Variants in GRIK4 observed in about 807,000 individuals in gnomAD.
GRIK4 encodes the protein glutamate receptor ionotropic, kainate 4.
A neutral mutation model predicts 104.9 loss-of-function variants in GRIK4; 40 were observed. That is an observed-to-expected ratio of 0.38 (90% CI 0.30 to 0.50). The LOEUF (loss-of-function observed/expected upper bound fraction) is 0.50, where lower values mean the gene tolerates loss of function less well. Among genes scored for constraint, GRIK4 ranks in the 20% least tolerant of loss-of-function variants. GRIK4 has a pLI of 0.93. For synonymous variants in GRIK4, 485 were observed against 524.9 expected, an observed-to-expected ratio of 0.92 and a Z score of 1.04; for missense variants, 1,047 against 1,308.1, an observed-to-expected ratio of 0.80 and a Z score of 3.08.
chr11:120,577,442 C>A (rs1388306288), intron 1 of GRIK4, among the ~76,000 whole-genome samples: 1 of 151,854 alleles, frequency 6.6e-6, no homozygotes, highest in African/African-American at 2.4e-5. Flanking sequence ...TGGATGGGAG[C>A]CCATTCCAGA....
chr11:120,949,230 G>A (rs1893818), intron 14 of GRIK4, among the ~76,000 whole-genome samples: 110,501 of 152,036 alleles, frequency 0.73, 41,120 homozygotes, highest in East Asian at 1. Flanking sequence ...CCCCACTACT[G>A]TCATGCAAAG....
chr11:120,963,613 T>C (rs149007381), intron 18 of GRIK4, among the ~76,000 whole-genome samples: 3 of 152,052 alleles, frequency 2.0e-5, no homozygotes, highest in East Asian at 1.9e-4. Flanking sequence ...TGGGAGAAAA[T>C]TGGTATACGG....
intron 3 of GRIK4, among the ~76,000 whole-genome samples, chr11:120,711,151 C>T (rs1317759009): frequency 1.3e-5 from 2 of 152,180 alleles, no homozygotes; most frequent in South Asian, 2.1e-4. Context: ...GTCAGGAAAG[C>T]GTGCCTTCCT....
intron 13 of GRIK4, among the ~76,000 whole-genome samples, chr11:120,916,803 A>T (rs1943113593): frequency 6.6e-6 from 1 of 152,210 alleles, no homozygotes; most frequent in South Asian, 2.1e-4. Flanking sequence ...TTCCCAAGAT[A>T]CCTCATTATG....
chr11:120,739,693 C>T (rs751370), intron 3 of GRIK4, among the ~76,000 whole-genome samples: 106,293 of 152,162 alleles, frequency 0.7, 37,500 homozygotes, highest in Middle Eastern at 0.8. Flanking sequence ...CATTGCAATA[C>T]GGGGCACTTT....
chr11:120,673,602 C>T (rs956329747), intron 3 of GRIK4, among the ~76,000 whole-genome samples: 1 of 152,208 alleles, frequency 6.6e-6, no homozygotes, highest in African/African-American at 2.4e-5. Context: ...AACACAAGTC[C>T]ACCAGCGCTT....
intron 1 of GRIK4, among the ~76,000 whole-genome samples, chr11:120,647,495 A>T (rs1949559393): frequency 6.6e-6 from 1 of 152,214 alleles, no homozygotes; most frequent in African/African-American, 2.4e-5. Context: ...GCCTTCCAGA[A>T]TCTGACTGCA....
At chr11:120,907,567 T>C (rs1565431534) in intron 13 of GRIK4, among the ~76,000 whole-genome samples, 3 of 152,176 alleles carry the variant, frequency 2.0e-5, no homozygotes, top group South Asian at 4.1e-4. Context: ...TCCACTGTTG[T>C]AGACACTGGA....
intron 3 of GRIK4, among the ~76,000 whole-genome samples, chr11:120,669,633 C>G (rs1162864750): frequency 6.6e-6 from 1 of 152,230 alleles, no homozygotes. Flanking sequence ...TTCACATAGT[C>G]TTTTCCTCCT....
intron 3 of GRIK4, among the ~76,000 whole-genome samples, chr11:120,767,785 A>G (rs926164800): frequency 2.0e-5 from 3 of 152,112 alleles, no homozygotes; most frequent in African/African-American, 7.2e-5. Flanking sequence ...GTTTTTCAGC[A>G]CCATTTATTA....
intron 11 of GRIK4, among the ~76,000 whole-genome samples, chr11:120,889,754 G>A (rs73578608): frequency 0.18 from 27,123 of 151,660 alleles, 2,882 homozygotes; most frequent in East Asian, 0.5. Flanking sequence ...ACAGGCATGT[G>A]CCACTACTCC....
At chr11:120,618,673 C>T (rs1949145754) in intron 1 of GRIK4, among the ~76,000 whole-genome samples, 1 of 152,338 alleles carries the variant, frequency 6.6e-6, no homozygotes, top group East Asian at 1.9e-4. Context: ...AGCCCACACT[C>T]CAGCTCCAGC....
chr11:120,785,103 A>AG (rs1952238052), intron 3 of GRIK4, among the ~76,000 whole-genome samples: 1 of 152,064 alleles, frequency 6.6e-6, no homozygotes, highest in Non-Finnish European at 1.5e-5. Context: ...CTGTCCCATA[A>AG]GTCGTCCAGA....
intron 3 of GRIK4, among the ~76,000 whole-genome samples, chr11:120,790,927 G>T (rs1175237347): frequency 6.6e-6 from 1 of 152,124 alleles, no homozygotes; most frequent in African/African-American, 2.4e-5. Context: ...GCCAGAAAGA[G>T]CCCCCAATTC....
intron 1 of GRIK4, among the ~76,000 whole-genome samples, chr11:120,535,049 G>C (rs567339205): frequency 6.6e-6 from 1 of 152,346 alleles, no homozygotes; most frequent in South Asian, 2.1e-4. Flanking sequence ...CTCTCCTGGG[G>C]GAAGCCCTGA....
At chr11:120,653,218 A>G (rs1261425768) in intron 1 of GRIK4, among the ~76,000 whole-genome samples, 1 of 152,236 alleles carries the variant, frequency 6.6e-6, no homozygotes, top group African/African-American at 2.4e-5. Flanking sequence ...TATTCAAAGT[A>G]CAAGCATGGA....
At chr11:120,729,370 C>T (rs1951088828) in intron 3 of GRIK4, among the ~76,000 whole-genome samples, 1 of 152,202 alleles carries the variant, frequency 6.6e-6, no homozygotes. Context: ...AATCTACATT[C>T]CCACCAGCAG....
chr11:120,622,950 A>G (rs1054461006), intron 1 of GRIK4, among the ~76,000 whole-genome samples: 1 of 152,200 alleles, frequency 6.6e-6, no homozygotes, highest in African/African-American at 2.4e-5. Flanking sequence ...ATCTTTTGCC[A>G]TGCAAGGTAA....
intron 3 of GRIK4, among the ~76,000 whole-genome samples, chr11:120,708,398 T>C (rs573461633): frequency 6.6e-6 from 1 of 152,142 alleles, no homozygotes; most frequent in East Asian, 1.9e-4. Context: ...CTAGCTCAGC[T>C]CCACAGAGGT....
Sources: allele counts gnomAD v4.1 joint callset (sites outside exome capture counted in the v4.1 genomes callset), GRCh38; gene constraint gnomAD v4.1.1; transcripts MANE v1.5; gene names NCBI Gene and HGNC (gene_info 2026-07-23, HGNC 2026-07-21).